The following CCDC15 variants were observed in gnomAD, a reference collection of about 807,000 sequenced individuals.
CCDC15 encodes coiled-coil domain-containing protein 15.
A neutral mutation model predicts 114.5 loss-of-function variants in CCDC15; 105 were observed. The ratio of observed to expected loss-of-function variants is 0.92; its 90% CI spans 0.78 to 1.08. CCDC15 has a LOEUF of 1.08. Ranked by LOEUF, CCDC15 falls within the 50% of genes least tolerant of loss-of-function variation. The pLI, the probability that CCDC15 is intolerant of heterozygous loss-of-function variation, is 0.00. For missense variants in CCDC15, 1,105 were observed against 1,093.6 expected, an observed-to-expected ratio of 1.01 and a Z score of -0.15; for synonymous variants, 334 against 377.8, an observed-to-expected ratio of 0.88 and a Z score of 1.34.
intron 13 of CCDC15, among the ~76,000 whole-genome samples, chr11:125,024,292 G>T (rs1591612287): frequency 6.6e-6 from 1 of 151,904 alleles, no homozygotes; most frequent in East Asian, 1.9e-4. Flanking sequence ...GAGTTGTCTT[G>T]ACTATTCTAG....
At position 124,987,488 on chromosome 11, in the gene CCDC15, C is replaced by T. The variant is rs371435496; in HGVS notation, c.1262C>T (p.Thr421Met). 324 of 1,613,914 alleles carry T rather than the reference C, an allele frequency of 2.0e-4. 1 individual carries two copies. Among genetic ancestry groups the T allele is most frequent in the East Asian group, 7.4e-4 (33 of 44,886 alleles). The change falls in exon 8 of 16, where the codon ACG becomes ATG. Residue 421 changes from threonine (T) to methionine (M), a missense_variant. Physicochemically the swap from Thr to Met is moderately conservative, Grantham distance 81. Coordinates refer to ENST00000344762, the MANE Select transcript of CCDC15 (RefSeq NM_025004.3). The part of the protein sequence containing the change: ...DFLPTNQALL[T>M]KNQDVLLKDH... ...CTACCCACAAATCAGGCTCTTCTAA[C>T]GAAAAACCAGGATGTTTTACTCAAA...
chr11:125,033,231 A>T (rs1948753164), intron 13 of CCDC15, among the ~76,000 whole-genome samples: 3 of 152,190 alleles, frequency 2.0e-5, no homozygotes, highest in Non-Finnish European at 4.4e-5. Flanking sequence ...GTAGGAATGC[A>T]GTAGGATTCC....
At chr11:125,011,248 A>ATTATTATTTTTT (rs1440220391) in intron 13 of CCDC15, among the ~76,000 whole-genome samples, 6 of 147,212 alleles carry the variant, frequency 4.1e-5, no homozygotes, top group African/African-American at 1.5e-4. Context: ...TATTATTATT[A>ATTATTATTTTTT]TTTTTTAAGA....
chr11:124,986,719 G>GCA (rs1555068532), intron 6 of CCDC15, 23 bp from the exon 7 acceptor site: 8 of 1,532,750 alleles, frequency 5.2e-6, no homozygotes, highest in South Asian at 2.5e-5. Flanking sequence ...GCGCGTGCGC[G>GCA]TTTTCATTGT....
intron 6 of CCDC15, 45 bp from the exon 7 acceptor site, chr11:124,986,697 G>C (rs1381635935): frequency 1.4e-6 from 2 of 1,449,592 alleles, no homozygotes; most frequent in Non-Finnish European, 9.2e-7. Flanking sequence ...GTGTTTGTGT[G>C]TGTGCGCGCG....
intron 13 of CCDC15, among the ~76,000 whole-genome samples, chr11:125,033,609 A>G (rs1948756244): frequency 2.0e-5 from 3 of 152,170 alleles, no homozygotes; most frequent in Non-Finnish European, 4.4e-5. Context: ...GAAGGTCTAA[A>G]GTGACTAATC....
intron 3 of CCDC15, 121 bp downstream of exon 3, chr11:124,959,385 C>T: frequency 2.5e-6 from 2 of 807,378 alleles, no homozygotes; most frequent in African/African-American, 1.8e-5. Context: ...ATCTAATTAA[C>T]TAGTGAAGAC....
intron 13 of CCDC15, 73 bp downstream of exon 13, chr11:125,005,285 AAG>A (rs1258127575): frequency 2.6e-5 from 17 of 659,014 alleles, no homozygotes; most frequent in Non-Finnish European, 3.8e-5. Context: ...ACTTTAGAAA[AAG>A]GTAATGGTTT....
intron 11 of CCDC15, among the ~76,000 whole-genome samples, chr11:124,993,751 G>A (rs954949158): frequency 3.9e-5 from 6 of 152,054 alleles, no homozygotes; most frequent in Admixed American, 6.5e-5. Flanking sequence ...TCATAGTTTC[G>A]TTACCAAAAA....
chr11:124,956,874 C>T lies in CCDC15; in HGVS notation c.177+1965C>T, dbSNP rs1591564537. On this transcript the variant is annotated intron_variant, in intron 2 of 15. Transcript: ENST00000344762. Reference sequence around the variant, plus strand: ...AAATGCTGAATAGTTACTTCTAAAGCTTGGCCCTTAGATCATGTCTGTTCT... The same window carrying T: ...AAATGCTGAATAGTTACTTCTAAAGTTTGGCCCTTAGATCATGTCTGTTCT... Among the ~76,000 whole-genome samples the T allele has an allele frequency of 2.0e-5, 3 of 152,228 alleles. No homozygotes were observed. In the South Asian group the frequency reaches 6.2e-4, roughly 32 times the overall value.
chr11:125,020,906 G>A (rs1440948307), intron 13 of CCDC15, among the ~76,000 whole-genome samples: 2 of 151,744 alleles, frequency 1.3e-5, no homozygotes, highest in Non-Finnish European at 2.9e-5. Flanking sequence ...CTGTGAATCT[G>A]ACCAAAGCTG....
chr11:125,007,861 C>G (rs911124012), intron 13 of CCDC15, among the ~76,000 whole-genome samples: 21 of 152,106 alleles, frequency 1.4e-4, no homozygotes, highest in African/African-American at 4.6e-4. Flanking sequence ...CCTGAAGTGG[C>G]GGCAGTGGGT....
At chr11:125,007,619 G>C (rs71474124) in intron 13 of CCDC15, among the ~76,000 whole-genome samples, 28,597 of 152,032 alleles carry the variant, frequency 0.19, 3,073 homozygotes, top group African/African-American at 0.28. Flanking sequence ...GGATCATCTG[G>C]AAGTTCTGTT....
chr11:125,034,330 A>G (rs1948761133), intron 13 of CCDC15, among the ~76,000 whole-genome samples: 1 of 152,106 alleles, frequency 6.6e-6, no homozygotes, highest in African/African-American at 2.4e-5. Context: ...TTTCCAATCA[A>G]TGCCCTCATT....
chr11:124,999,904 C>G (rs1270966742), intron 11 of CCDC15, among the ~76,000 whole-genome samples: 1 of 146,926 alleles, frequency 6.8e-6, no homozygotes, highest in African/African-American at 2.5e-5. Flanking sequence ...CTCTGTCACC[C>G]AGGCTGGAGT....
At chr11:125,018,222 T>G (rs1025883873) in intron 13 of CCDC15, among the ~76,000 whole-genome samples, 6 of 152,096 alleles carry the variant, frequency 3.9e-5, no homozygotes, top group African/African-American at 1.4e-4. Context: ...TCTTTTATAC[T>G]GTATTTTTGC....
chr11:124,991,720 G>T, intron 9 of CCDC15, 137 bp downstream of exon 9: 4 of 768,120 alleles, frequency 5.2e-6, no homozygotes, highest in Non-Finnish European at 7.8e-6. Context: ...GTCTTTCTCT[G>T]TCGCCCAGGC....
At chr11:125,005,520 G>A (rs780636890) in intron 13 of CCDC15, among the ~76,000 whole-genome samples, 2 of 152,006 alleles carry the variant, frequency 1.3e-5, no homozygotes, top group Non-Finnish European at 2.9e-5. Context: ...CACCATAGTG[G>A]TACAATGTAT....
chr11:125,011,963 G>A (rs988845251), intron 13 of CCDC15, among the ~76,000 whole-genome samples: 3 of 152,088 alleles, frequency 2.0e-5, no homozygotes, highest in African/African-American at 7.2e-5. Flanking sequence ...TTTTGTACTG[G>A]AAGAATTTCA....
Sources: allele counts gnomAD v4.1 joint callset (sites outside exome capture counted in the v4.1 genomes callset), GRCh38; gene constraint gnomAD v4.1.1; transcripts MANE v1.5; gene names NCBI Gene and HGNC (gene_info 2026-07-23, HGNC 2026-07-21).